Variants in PGM1 observed in about 807,000 individuals in gnomAD.
PGM1 encodes phosphoglucomutase 1.
A neutral mutation model predicts 55.6 loss-of-function variants in PGM1; 52 were observed. That is an observed-to-expected ratio of 0.94 (90% confidence interval 0.75 to 1.18). PGM1 has a LOEUF of 1.18. PGM1 is among the 50% of genes most tolerant of loss of function. The pLI, the probability that PGM1 is intolerant of heterozygous loss-of-function variation, is 0.00. For missense variants in PGM1, 724 were observed against 729.3 expected (o/e 0.99, Z 0.08); for synonymous variants, 287 against 271.7 (o/e 1.06, Z -0.55).
At position 63,634,831 on chromosome 1, in the gene PGM1, G is replaced by T; in HGVS notation, c.685G>T (p.Val229Leu). Residue 229 changes from valine to leucine, a missense_variant and splice_region_variant, in exon 5 of 11, where the codon GTG becomes TTG. By Grantham distance (32) the Val-to-Leu change is conservative. Transcript: ENST00000371084. ...CATTTATTCCATGCTGTATATAGTT[G>T]TGGGACCGTATGTAAAGAAGATCCT... ...KIRIDAMHGV[V>L]GPYVKKILCE... 1 of 1,612,236 alleles carries T rather than the reference G, an allele frequency of 6.2e-7. No homozygotes were observed. Among genetic ancestry groups the T allele is most frequent in the Non-Finnish European group, 8.5e-7 (1 of 1,179,134 alleles).
chr1:63,598,381 A>G (rs1465819262), intron 1 of PGM1, among the ~76,000 whole-genome samples: 2 of 152,212 alleles, frequency 1.3e-5, no homozygotes, highest in Non-Finnish European at 2.9e-5. Context: ...CAGATTTGTG[A>G]TATATCAAGA....
Position 63,642,695 on chromosome 1 carries a change from C to A in PGM1, c.1144+3895C>A, listed in dbSNP as rs376667292. On this transcript the variant is annotated intron_variant, in intron 7 of 10. Transcript: ENST00000371084. ...CACTTAGAGATATGTAAGTTATGAT[C>A]TGGTCAGGTCTAGAGGCTAGCAATA... 9.8e-5 allele frequency among the ~76,000 whole-genome samples: 15 copies of A among 152,288 alleles called. 3 individuals are homozygous for A. Among genetic ancestry groups the A allele is most frequent in the East Asian group, 1.9e-4 (1 of 5,194 alleles).
chr1:63,622,600 C>T (rs755922981), intron 1 of PGM1, among the ~76,000 whole-genome samples: 4 of 151,998 alleles, frequency 2.6e-5, no homozygotes, highest in Non-Finnish European at 5.9e-5. Context: ...ATATTTTTTC[C>T]GTGTTTTGCT....
chr1:63,636,437 T>C (rs746312603), intron 6 of PGM1, 49 bp downstream of exon 6: 1 of 1,573,268 alleles, frequency 6.4e-7, no homozygotes, highest in South Asian at 1.1e-5. Context: ...CGTCCCAGTC[T>C]TCACCATACC....
intron 1 of PGM1, among the ~76,000 whole-genome samples, chr1:63,620,380 T>G (rs1325379643): frequency 1.3e-5 from 2 of 152,214 alleles, no homozygotes; most frequent in Non-Finnish European, 2.9e-5. Context: ...GGCCTTGGGC[T>G]GGAGTGTCTG....
intron 4 of PGM1, among the ~76,000 whole-genome samples, chr1:63,633,785 A>C (rs1649261714): frequency 6.7e-6 from 1 of 150,014 alleles, no homozygotes; most frequent in Non-Finnish European, 1.5e-5. Context: ...CTCCTGCCTC[A>C]GCCTCCTGAG....
intron 4 of PGM1, among the ~76,000 whole-genome samples, chr1:63,634,451 C>T (rs1251441739): frequency 6.6e-6 from 1 of 152,134 alleles, no homozygotes; most frequent in Non-Finnish European, 1.5e-5. Flanking sequence ...GATTTGAACC[C>T]AGACACTCTG....
intron 1 of PGM1, among the ~76,000 whole-genome samples, chr1:63,613,597 C>T (rs376427191): frequency 2.6e-4 from 40 of 152,186 alleles, no homozygotes; most frequent in African/African-American, 9.4e-4. Flanking sequence ...GAATTTAGGG[C>T]CACCCTAATC....
intron 6 of PGM1, among the ~76,000 whole-genome samples, chr1:63,638,133 A>G (rs534937043): frequency 6.6e-6 from 1 of 152,346 alleles, no homozygotes; most frequent in Admixed American, 6.5e-5. Flanking sequence ...GGGAGACCCC[A>G]CTGGGCGTTT....
chr1:63,647,279 T>TATATAC (rs1483830014), intron 7 of PGM1, among the ~76,000 whole-genome samples: 2 of 51,602 alleles, frequency 3.9e-5, no homozygotes, highest in African/African-American at 1.9e-4. Flanking sequence ...TATATATATA[T>TATATAC]ATATATATAT....
At chr1:63,643,730 T>C (rs1649581163) in intron 7 of PGM1, among the ~76,000 whole-genome samples, 1 of 152,186 alleles carries the variant, frequency 6.6e-6, no homozygotes, top group African/African-American at 2.4e-5. Flanking sequence ...GGCCAACCCC[T>C]GTTTGGGGAG....
At chr1:63,627,978 G>T (rs1649083210) in intron 1 of PGM1, among the ~76,000 whole-genome samples, 1 of 152,172 alleles carries the variant, frequency 6.6e-6, no homozygotes, top group Non-Finnish European at 1.5e-5. Flanking sequence ...ATCTACGCCA[G>T]TGTCTGCCAT....
chr1:63,659,529 C>T (rs1394793683), intron 10 of PGM1, 57 bp from the exon 11 acceptor site: 14 of 1,402,082 alleles, frequency 1.0e-5, no homozygotes, highest in Non-Finnish European at 1.4e-5. Context: ...GGGTTTGGAG[C>T]TAAGCATCTG....
chr1:63,601,846 C>T (rs1648252654), intron 1 of PGM1, among the ~76,000 whole-genome samples: 1 of 152,178 alleles, frequency 6.6e-6, no homozygotes, highest in Admixed American at 6.5e-5. Context: ...CACCACTGAG[C>T]TGATTCCCCA....
chr1:63,644,991 G>A (rs1412499646), intron 7 of PGM1, among the ~76,000 whole-genome samples: 1 of 152,196 alleles, frequency 6.6e-6, no homozygotes, highest in East Asian at 1.9e-4. Context: ...ACACGTACCT[G>A]CACCATTGGT....
chr1:63,612,662 G>A lies in PGM1; in HGVS notation c.247-16763G>A, dbSNP rs562127254. Among the ~76,000 whole-genome samples, 19 of 152,300 alleles carry A rather than the reference G, an allele frequency of 1.2e-4. 1 individual carries two copies. The South Asian group carries it at 3.7e-3, about 30-fold the overall frequency. Reference sequence around the variant, plus strand: ...ACTCTGCCTGCAGTTATCCTGGGAAGCAATTATAAGCTTTCAGCCTCAACC... The same window carrying A: ...ACTCTGCCTGCAGTTATCCTGGGAAACAATTATAAGCTTTCAGCCTCAACC... On this transcript the variant is annotated intron_variant, in intron 1 of 10. Transcript: ENST00000371084.
intron 7 of PGM1, among the ~76,000 whole-genome samples, chr1:63,645,554 G>A (rs1333425453): frequency 6.6e-6 from 1 of 152,162 alleles, no homozygotes; most frequent in African/African-American, 2.4e-5. Context: ...AGCCGTAAGA[G>A]CCAGAGAGCT....
At position 63,593,508 on chromosome 1, in the gene PGM1, T is replaced by G; in HGVS notation, c.20T>G (p.Val7Gly). Residue 7 changes from valine to glycine, a missense_variant, in exon 1 of 11, where the codon GTT becomes GGT. Physicochemically the swap from Val to Gly is moderately radical, Grantham distance 109 (BLOSUM62 -3). This residue lies in a region of PGM1 where 379 missense variants were observed against 357.5 expected (regional missense o/e 1.06). Coordinates refer to ENST00000371084, the MANE Select transcript of PGM1 (RefSeq NM_002633.3). MVKIVT[V>G]KTQAYQDQKP... is the part of the protein sequence containing the mutation. ...GCCACCATGGTGAAGATCGTGACAG[T>G]TAAGACCCAGGCGTACCAGGACCAG... 1 of 1,613,736 alleles carries G rather than the reference T, an allele frequency of 6.2e-7. No individual in the cohort carries two copies. Among genetic ancestry groups the G allele is most frequent in the South Asian group, 1.1e-5 (1 of 91,074 alleles).
chr1:63,607,364 C>T (rs1648450254), intron 1 of PGM1, among the ~76,000 whole-genome samples: 2 of 152,180 alleles, frequency 1.3e-5, no homozygotes, highest in South Asian at 4.1e-4. Context: ...TAAAGATGTC[C>T]TCATTCGCAA....
Sources: gnomAD v4.1 joint callset for allele counts (sites outside exome capture counted in the v4.1 genomes callset) on GRCh38, gnomAD v4.1.1 for gene constraint, gnomAD v4.1.1 regional missense constraint, MANE v1.5 for transcripts, NCBI Gene and HGNC (gene_info 2026-07-23, HGNC 2026-07-21) for gene names.